The following ILDR1 variants were observed in gnomAD, a reference collection of about 807,000 sequenced individuals.
ILDR1 encodes immunoglobulin-like domain-containing receptor 1.
ILDR1 carries 56 observed loss-of-function variants against 62.4 expected under a neutral mutation model. The ratio of observed to expected loss-of-function variants is 0.90; its 90% CI spans 0.72 to 1.12. The LOEUF (loss-of-function observed/expected upper bound fraction) is 1.12. Among genes scored for constraint, ILDR1 ranks in the 50% most tolerant of loss-of-function variants. The probability of loss-of-function intolerance (pLI) is 0.00; values close to 1 mark genes in which losing one functional copy is unlikely to be tolerated. For synonymous variants in ILDR1, 284 were observed against 277.8 expected, an observed-to-expected ratio of 1.02 and a Z score of -0.22; for missense variants, 736 against 710.6, an observed-to-expected ratio of 1.04 and a Z score of -0.41.
At chr3:122,037,202 C>T in the ILDR1 span, among the ~76,000 whole-genome samples, 1 of 152,216 alleles carries the variant, frequency 6.6e-6, no homozygotes, top group Non-Finnish European at 1.5e-5. Context: ...GGCACTGCCT[C>T]ATGGAACTGT....
the ILDR1 span, among the ~76,000 whole-genome samples, chr3:122,041,006 CAT>C: frequency 6.6e-6 from 1 of 152,126 alleles, no homozygotes; most frequent in Non-Finnish European, 1.5e-5. Context: ...TTGCAAAAGA[CAT>C]ATTTAATTTT....
In ILDR1 at chr3:121,993,257, C is replaced by A. The variant is rs766963403; in HGVS notation, c.1492G>T (p.Gly498Cys). Residue 498 changes from glycine (G) to cysteine (C), a missense_variant, in exon 7 of 8, where the codon GGC (glycine) becomes TGC (cysteine). By Grantham distance (159) the Gly-to-Cys change is radical (BLOSUM62 -3). Transcript: ENST00000344209. ...QPQSWRAHRR[G>C]SHSPHWPEEK... ...TCGGGCCAGTGTGGGGAGTGCGAGC[C>A]GCGGCGGTGGGCCCGCCAGCTCTGG... 8 of 1,613,570 alleles carry A rather than the reference C, an allele frequency of 5.0e-6. No homozygotes were observed. Among genetic ancestry groups the A allele is most frequent in the South Asian group, 1.1e-5 (1 of 91,064 alleles).
intron 1 of ILDR1, among the ~76,000 whole-genome samples, chr3:122,020,651 T>G (rs1308233436): frequency 6.6e-6 from 1 of 152,198 alleles, no homozygotes; most frequent in Non-Finnish European, 1.5e-5. Context: ...CTGTGGAGTT[T>G]GAGATGAGCA....
the ILDR1 span, among the ~76,000 whole-genome samples, chr3:122,042,468 T>C: frequency 2.1e-3 from 249 of 120,078 alleles, 2 homozygotes; most frequent in African/African-American, 7.6e-3. Context: ...TATTTCTAGT[T>C]CTAGATCCCT....
chr3:122,039,235 C>T, the ILDR1 span, among the ~76,000 whole-genome samples: 1 of 152,014 alleles, frequency 6.6e-6, no homozygotes, highest in South Asian at 2.1e-4. Flanking sequence ...ATGCCTCCAA[C>T]CACAGGTCTA....
upstream of ILDR1, among the ~76,000 whole-genome samples, chr3:122,026,336 A>C (rs2071921115): frequency 6.6e-6 from 1 of 152,204 alleles, no homozygotes; most frequent in South Asian, 2.1e-4. Context: ...CTGAGGGCCC[A>C]AGTCAATAAC....
chr3:122,023,372 A>C (rs1276598632), upstream of ILDR1, among the ~76,000 whole-genome samples: 1 of 152,152 alleles, frequency 6.6e-6, no homozygotes, highest in Non-Finnish European at 1.5e-5. Flanking sequence ...CACGGCAGGA[A>C]GCCCACCAGC....
At position 121,993,951 on chromosome 3, in the gene ILDR1, G is replaced by A. The variant is rs1576715756; in HGVS notation, c.798C>T (p.Ser266=). The A allele has an allele frequency of 6.2e-7, 1 of 1,611,438 alleles. No homozygotes were observed. Among genetic ancestry groups the A allele is most frequent in the Non-Finnish European group, 8.5e-7 (1 of 1,179,982 alleles). The stretch of plus-strand genomic sequence containing the variant: ...TCTGGGTCATTGGCATCTGCGGGAG[G>A]CTGGACGGCAGGGACAAATCTGAAT... The part of the protein sequence containing the change: ...LLQRDLSLPS[S]LPQMPMTQTT... The change falls in exon 7 of 8, where the codon AGC becomes AGT. Residue 266 remains serine (S), a synonymous_variant. Coordinates refer to ENST00000344209, the MANE Select transcript of ILDR1 (RefSeq NM_001199799.2).
chr3:122,009,393 C>T (rs1357963602), intron 1 of ILDR1, among the ~76,000 whole-genome samples: 1 of 149,020 alleles, frequency 6.7e-6, no homozygotes, highest in African/African-American at 2.5e-5. Context: ...CAGCTGGGTT[C>T]AAATTAAACT....
At chr3:122,039,605 C>A in the ILDR1 span, among the ~76,000 whole-genome samples, 1 of 151,860 alleles carries the variant, frequency 6.6e-6, no homozygotes, top group Non-Finnish European at 1.5e-5. Flanking sequence ...AATTCATTGC[C>A]AGCAGACATA....
upstream of ILDR1, chr3:122,022,351 C>G (rs1469150483): frequency 2.6e-6 from 1 of 392,156 alleles, no homozygotes; most frequent in Non-Finnish European, 4.5e-6. Flanking sequence ...GCCACCTTCC[C>G]TACCTGCTGC....
the ILDR1 span, among the ~76,000 whole-genome samples, chr3:122,039,377 T>C: frequency 6.6e-6 from 1 of 151,904 alleles, no homozygotes; most frequent in African/African-American, 2.4e-5. Context: ...GAGAAAAAGA[T>C]ATTACACGTA....
chr3:121,990,659 C>A (rs1323256654), intron 7 of ILDR1, among the ~76,000 whole-genome samples: 2 of 152,174 alleles, frequency 1.3e-5, no homozygotes, highest in African/African-American at 4.8e-5. Flanking sequence ...GTGGTGCAAT[C>A]ATGGCTCACT....
intron 5 of ILDR1, among the ~76,000 whole-genome samples, chr3:122,000,470 A>G (rs2071505674): frequency 1.3e-5 from 2 of 152,222 alleles, no homozygotes; most frequent in African/African-American, 4.8e-5. Flanking sequence ...TGGAGAGGAC[A>G]TGGAAGCCCC....
chr3:122,005,538 C>T (rs989325911), intron 2 of ILDR1, 145 bp from the exon 3 acceptor site: 6 of 800,588 alleles, frequency 7.5e-6, no homozygotes, highest in Admixed American at 6.8e-5. Flanking sequence ...TTGTTAATCA[C>T]GAAGATCCTG....
chr3:122,033,320 T>C, the ILDR1 span, among the ~76,000 whole-genome samples: 2 of 151,848 alleles, frequency 1.3e-5, no homozygotes, highest in East Asian at 3.9e-4. Flanking sequence ...GAATCTTTTG[T>C]TTTTTTATTT....
intron 1 of ILDR1, 93 bp from the exon 2 acceptor site, chr3:122,007,254 A>G: frequency 1.3e-6 from 2 of 1,581,172 alleles, no homozygotes; most frequent in South Asian, 1.2e-5. Context: ...ATTGCCTGCC[A>G]TCCTGCCTGA....
rs372988794 is a variant in ILDR1, at chr3:122,001,773, G to A, written c.471C>T (p.Pro157=). ...IEAPGDTSGD[P]DKEVKLIVLH... ...GGACGATGAGCTTTACTTCCTTATC[G>A]GGGTCTCCTGATGTGTCCCCTGGAG... Residue 157 remains proline, a synonymous_variant, in exon 4 of 8, where the codon CCC becomes CCT. Transcript: ENST00000344209. 42 of 1,612,880 alleles carry A rather than the reference G, an allele frequency of 2.6e-5. No homozygotes were observed. The South Asian group carries it at 2.7e-4, about 11-fold the overall frequency.
the ILDR1 span, among the ~76,000 whole-genome samples, chr3:122,053,172 G>A: frequency 1.2e-3 from 183 of 152,226 alleles, no homozygotes; most frequent in Non-Finnish European, 1.9e-3. Flanking sequence ...TCTTGCTGAC[G>A]TTCACTGTGG....
Sources: gnomAD v4.1 joint callset for allele counts (sites outside exome capture counted in the v4.1 genomes callset) on GRCh38, gnomAD v4.1.1 for gene constraint, MANE v1.5 for transcripts, NCBI Gene and HGNC (gene_info 2026-07-23, HGNC 2026-07-21) for gene names.